Variants in PDE4B observed in about 807,000 individuals in gnomAD.
PDE4B encodes 3',5'-cyclic-AMP phosphodiesterase 4B.
Under a neutral mutation model 82.2 loss-of-function variants are expected in PDE4B, and 20 were observed. The observed-to-expected ratio is 0.24, with a 90% CI of 0.17 to 0.35. PDE4B has a LOEUF of 0.35. PDE4B is among the 10% of genes least tolerant of loss of function. The pLI, the probability that PDE4B is intolerant of heterozygous loss-of-function variation, is 1.00. For synonymous variants in PDE4B, 320 were observed against 318.9 expected, an observed-to-expected ratio of 1.00 and a Z score of -0.04; for missense variants, 655 against 907.2, an observed-to-expected ratio of 0.72 and a Z score of 3.57.
At chr1:66,093,338 A>T (rs1645059899) in intron 3 of PDE4B, among the ~76,000 whole-genome samples, 1 of 152,066 alleles carries the variant, frequency 6.6e-6, no homozygotes, top group Non-Finnish European at 1.5e-5. Flanking sequence ...AAACCACATG[A>T]TGAGGTGGGT....
chr1:66,235,759 T>C (rs1184267065), intron 3 of PDE4B, among the ~76,000 whole-genome samples: 1 of 151,996 alleles, frequency 6.6e-6, no homozygotes, highest in African/African-American at 2.4e-5. Flanking sequence ...ATTTGTCTTA[T>C]CCATTCTGTT....
At chr1:66,130,733 C>T (rs12122966) in intron 3 of PDE4B, among the ~76,000 whole-genome samples, 34,220 of 152,088 alleles carry the variant, frequency 0.23, 4,699 homozygotes, top group Non-Finnish European at 0.31. Flanking sequence ...GCTGAAGGGT[C>T]ATCCCAGCTC....
At chr1:66,198,977 A>G (rs904097642) in intron 3 of PDE4B, among the ~76,000 whole-genome samples, 2 of 152,138 alleles carry the variant, frequency 1.3e-5, no homozygotes, top group Non-Finnish European at 1.5e-5. Context: ...TCCATGGTGT[A>G]TATGTGCCAC....
In PDE4B at chr1:66,150,026, T is replaced by C. The variant is rs563829981; in HGVS notation, c.282-97434T>C. ...AAAAGACTGTTCTTTCCCCATTAAA[T>C]TGTTGTGGAACCCTTGTAGAAAATT... is the stretch of plus-strand genomic sequence containing the variant. On this transcript the variant is annotated intron_variant, in intron 3 of 16. Coordinates refer to ENST00000341517, the MANE Select transcript of PDE4B (RefSeq NM_002600.4). Among the ~76,000 whole-genome samples, 53 of 152,322 alleles carry C rather than the reference T, an allele frequency of 3.5e-4. No individual in the cohort carries two copies. In the South Asian group the frequency reaches 0.011, roughly 31 times the overall value.
intron 3 of PDE4B, among the ~76,000 whole-genome samples, chr1:66,099,132 T>A (rs1645171428): frequency 6.6e-6 from 1 of 152,100 alleles, no homozygotes; most frequent in Non-Finnish European, 1.5e-5. Context: ...ATCACCTAGG[T>A]ATGGCCCCAG....
At chr1:66,217,767 T>C (rs767515274) in intron 3 of PDE4B, among the ~76,000 whole-genome samples, 3 of 152,142 alleles carry the variant, frequency 2.0e-5, no homozygotes, top group Non-Finnish European at 2.9e-5. Context: ...TCTACTGACA[T>C]TCCTGGTACT....
chr1:65,945,475 C>CAGT (rs1648660846), intron 3 of PDE4B, among the ~76,000 whole-genome samples: 1 of 151,958 alleles, frequency 6.6e-6, no homozygotes, highest in Admixed American at 6.6e-5. Context: ...ATTCCGGCTA[C>CAGT]AGTAAACATA....
intron 9 of PDE4B, among the ~76,000 whole-genome samples, 173 bp downstream of exon 9, chr1:66,355,793 A>G (rs1312700574): frequency 6.6e-6 from 1 of 152,154 alleles, no homozygotes; most frequent in African/African-American, 2.4e-5. Context: ...AAGCAGGAAG[A>G]TCATGTTTTT....
intron 3 of PDE4B, among the ~76,000 whole-genome samples, chr1:66,144,581 T>G (rs1391078167): frequency 6.6e-6 from 1 of 152,182 alleles, no homozygotes; most frequent in African/African-American, 2.4e-5. Context: ...AACATGACAC[T>G]CAAAGGGAAT....
chr1:65,817,019 G>C (rs1254613689), intron 1 of PDE4B, among the ~76,000 whole-genome samples: 1 of 152,164 alleles, frequency 6.6e-6, no homozygotes, highest in Non-Finnish European at 1.5e-5. Flanking sequence ...CACAGAAATG[G>C]TAATTTTTGG....
In PDE4B at chr1:65,916,771, TACAC is replaced by T. The variant is rs199653570; in HGVS notation, c.43-1820_43-1817del. On this transcript the variant is annotated intron_variant, in intron 2 of 16. Transcript: ENST00000341517. ...ACACACACACACATGCACACACACA[TACAC>T]ACACAACATACAGTAAGTGCTAGGC... is the stretch of plus-strand genomic sequence containing the variant. Among the ~76,000 whole-genome samples the T allele has an allele frequency of 6.9e-3, 1,043 of 151,822 alleles. 12 individuals carry two copies. Among genetic ancestry groups the T allele is most frequent in the African/African-American group, 0.023 (950 of 41,472 alleles).
chr1:66,204,650 G>A (rs897991110), intron 3 of PDE4B, among the ~76,000 whole-genome samples: 1 of 152,260 alleles, frequency 6.6e-6, no homozygotes, highest in Admixed American at 6.5e-5. Flanking sequence ...TCTGAGCCAT[G>A]TGCAGGATAT....
At chr1:66,278,240 G>A (rs1191508176) in intron 7 of PDE4B, among the ~76,000 whole-genome samples, 1 of 152,180 alleles carries the variant, frequency 6.6e-6, no homozygotes, top group Non-Finnish European at 1.5e-5. Context: ...GGGAAAATAG[G>A]CTTTCTTGAA....
chr1:66,009,946 T>TATCTATC (rs1332562536), intron 3 of PDE4B, among the ~76,000 whole-genome samples: 2 of 147,318 alleles, frequency 1.4e-5, no homozygotes, highest in Non-Finnish European at 3.0e-5. Flanking sequence ...TCTATCTATC[T>TATCTATC]ATCTATCATC....
chr1:66,249,559 T>G (rs1161036088), intron 4 of PDE4B, among the ~76,000 whole-genome samples: 1 of 152,174 alleles, frequency 6.6e-6, no homozygotes, highest in African/African-American at 2.4e-5. Flanking sequence ...CAACTGAATC[T>G]ACGGCAGTCA....
At chr1:66,150,684 C>T (rs1215844187) in intron 3 of PDE4B, among the ~76,000 whole-genome samples, 1 of 152,132 alleles carries the variant, frequency 6.6e-6, no homozygotes, top group Non-Finnish European at 1.5e-5. Flanking sequence ...TCATAGATGT[C>T]TTTCATCGGA....
At chr1:66,313,808 A>C (rs928321123) in intron 7 of PDE4B, among the ~76,000 whole-genome samples, 4 of 152,190 alleles carry the variant, frequency 2.6e-5, no homozygotes, top group Non-Finnish European at 5.9e-5. Flanking sequence ...AACCAATGAG[A>C]AGGCAGCACA....
chr1:65,992,088 T>G (rs116151959), intron 3 of PDE4B, among the ~76,000 whole-genome samples: 1 of 152,312 alleles, frequency 6.6e-6, no homozygotes, highest in Non-Finnish European at 1.5e-5. Flanking sequence ...GTTTTCCTGT[T>G]CGCTGACATT....
intron 8 of PDE4B, 38 bp downstream of exon 8, chr1:66,332,658 T>C (rs1221944136): frequency 1.3e-5 from 21 of 1,583,502 alleles, no homozygotes; most frequent in Non-Finnish European, 1.8e-5. Context: ...AGTGTGATCA[T>C]GCAGGGAGCT....
Sources: allele counts gnomAD v4.1 joint callset (sites outside exome capture counted in the v4.1 genomes callset), GRCh38; gene constraint gnomAD v4.1.1; transcripts MANE v1.5; gene names NCBI Gene and HGNC (gene_info 2026-07-23, HGNC 2026-07-21).